Variants in CUX1 observed in about 807,000 individuals in gnomAD.
CUX1 encodes cut like homeobox 1.
Under a neutral mutation model 158.8 loss-of-function variants are expected in CUX1, and 31 were observed. The observed-to-expected ratio is 0.20, with a 90% CI of 0.15 to 0.26. CUX1 has a LOEUF of 0.26. CUX1 is among the 10% of genes least tolerant of loss of function. The pLI, the probability that CUX1 is intolerant of heterozygous loss-of-function variation, is 1.00. For synonymous variants in CUX1, 879 were observed against 862.1 expected, an observed-to-expected ratio of 1.02 and a Z score of -0.34; for missense variants, 1,589 against 2,014.6, an observed-to-expected ratio of 0.79 and a Z score of 4.04.
chr7:101,941,476 C>T (rs1807708868), intron 2 of CUX1, among the ~76,000 whole-genome samples: 1 of 152,214 alleles, frequency 6.6e-6, no homozygotes, highest in East Asian at 1.9e-4. Context: ...AAAGGGCTCA[C>T]ATCTTTGTTT....
intron 21 of CUX1, among the ~76,000 whole-genome samples, chr7:102,232,604 C>T (rs1301353513): frequency 6.6e-6 from 1 of 152,162 alleles, no homozygotes. Context: ...CAAGTACTCC[C>T]GTCAGGCCTT....
chr7:102,175,645 C>T (rs1268697273), intron 10 of CUX1, among the ~76,000 whole-genome samples: 3 of 152,082 alleles, frequency 2.0e-5, no homozygotes, highest in African/African-American at 7.2e-5. Flanking sequence ...CCTTTCCTTC[C>T]GACAAGGTCC....
Position 102,020,435 on chromosome 7 carries a change from A to T in CUX1, c.142-7663A>T, listed in dbSNP as rs566964478. ...ATATAATATATATTGTCTTGTTTTT[A>T]AAGACTCCATACCTGGTCTGAGCTC... On this transcript the variant is annotated intron_variant, in intron 2 of 23. Transcript: ENST00000292535. Among the ~76,000 whole-genome samples the T allele has an allele frequency of 6.0e-5, 9 of 149,344 alleles. No homozygotes were observed. In the South Asian group the frequency reaches 1.9e-3, roughly 32 times the overall value.
At chr7:101,964,140 T>A (rs1201210621) in intron 2 of CUX1, among the ~76,000 whole-genome samples, 1 of 151,934 alleles carries the variant, frequency 6.6e-6, no homozygotes, top group African/African-American at 2.4e-5. Context: ...TCACCTGAGG[T>A]TAGGAGTTCG....
intron 1 of CUX1, among the ~76,000 whole-genome samples, chr7:101,902,732 A>G (rs1018747860): frequency 6.6e-6 from 1 of 152,194 alleles, no homozygotes; most frequent in African/African-American, 2.4e-5. Flanking sequence ...GGGCAGTGCC[A>G]TCGAGCTGGG....
intron 4 of CUX1, among the ~76,000 whole-genome samples, chr7:102,083,467 C>T (rs192195818): frequency 6.8e-6 from 1 of 146,582 alleles, no homozygotes; most frequent in Non-Finnish European, 1.5e-5. Flanking sequence ...CCACCACACC[C>T]GATTAATTTT....
In CUX1 at chr7:102,256,393, T is replaced by C. The variant is rs1789900234; in HGVS notation, c.*7351T>C. ...GTACTTATCAGGAGTGTATTGTTAT[T>C]TTGTGTTTTGTTGTCATAAATGCTT... is the stretch of plus-strand genomic sequence containing the variant. On this transcript the variant is annotated 3_prime_UTR_variant, in exon 24 of 24. Coordinates refer to ENST00000292535, the MANE Select transcript of CUX1 (RefSeq NM_181552.4). 6.1e-6 allele frequency: 6 copies of C among 985,312 alleles called. No individual in the cohort carries two copies. The highest frequency in any genetic ancestry group is 7.2e-6 in the Non-Finnish European group (6 of 829,822). The allele number at this position is 985,312 out of a possible 1,614,324, so 61.0% of individuals were successfully genotyped here. A position where few individuals can be genotyped will look rare whatever the true frequency, so the allele number is the denominator to read the frequency against.
At position 102,248,680 on chromosome 7, in the gene CUX1, G is replaced by A. The variant is rs1554538018; in HGVS notation, c.4156G>A (p.Ala1386Thr). 2 of 1,294,216 alleles carry A rather than the reference G, an allele frequency of 1.5e-6. No homozygotes were observed. Among genetic ancestry groups the A allele is most frequent in the Non-Finnish European group, 2.0e-6 (2 of 1,019,790 alleles). 80.2% of individuals were successfully genotyped at this position (1,294,216 alleles called of 1,614,324 possible). ...PPSGTPGPDD[A>T]RDDDHEGGPV... ...CTCGGGGACCCCGGGCCCGGACGACGCCCGCGACGACGACCACGAGGGAGG... is the reference window on the plus strand; with the variant it reads ...CTCGGGGACCCCGGGCCCGGACGACACCCGCGACGACGACCACGAGGGAGG... The change falls in exon 24 of 24, where the codon GCC (alanine) becomes ACC (threonine). Residue 1386 changes from alanine (A) to threonine (T), a missense_variant. Physicochemically the swap from Ala to Thr is moderately conservative, Grantham distance 58. Coordinates refer to ENST00000292535, the MANE Select transcript of CUX1 (RefSeq NM_181552.4). The surrounding 1 kb of genome is among the most constrained non-coding windows in gnomAD (Gnocchi z 5.8).
chr7:102,281,398 C>A (rs1477577442), intron 20 of CUX1, among the ~76,000 whole-genome samples: 2 of 151,878 alleles, frequency 1.3e-5, no homozygotes, highest in Non-Finnish European at 2.9e-5. Flanking sequence ...CACAGCAGCT[C>A]ACGCCTGTAA....
intron 20 of CUX1, among the ~76,000 whole-genome samples, chr7:102,225,984 A>T (rs1310813655): frequency 6.6e-6 from 1 of 152,276 alleles, no homozygotes; most frequent in Non-Finnish European, 1.5e-5. Flanking sequence ...CCTTGCAGGC[A>T]GGACCTCAGC....
chr7:102,003,332 A>G (rs867746209), intron 2 of CUX1, among the ~76,000 whole-genome samples: 4 of 145,698 alleles, frequency 2.7e-5, no homozygotes, highest in African/African-American at 1.1e-4. Flanking sequence ...ACACACACAC[A>G]CACGCCCGCC....
chr7:102,274,634 A>G (rs1301192094), intron 16 of CUX1, among the ~76,000 whole-genome samples: 2 of 152,136 alleles, frequency 1.3e-5, no homozygotes, highest in African/African-American at 4.8e-5. Context: ...AAAAAGGTGA[A>G]TGAGCCCTCA....
At chr7:102,243,962 G>A (rs1158875743) in intron 23 of CUX1, among the ~76,000 whole-genome samples, 5 of 152,004 alleles carry the variant, frequency 3.3e-5, no homozygotes, top group African/African-American at 9.7e-5. Context: ...CGGAGGCGGA[G>A]GTTGCAGTGA....
chr7:102,044,426 G>A (rs1822497529), intron 3 of CUX1, among the ~76,000 whole-genome samples: 1 of 151,814 alleles, frequency 6.6e-6, no homozygotes, highest in Admixed American at 6.6e-5. Flanking sequence ...CTGACCTCAG[G>A]TGATCTGCCT....
At chr7:102,175,027 G>A (rs577392932) in intron 10 of CUX1, among the ~76,000 whole-genome samples, 1 of 152,358 alleles carries the variant, frequency 6.6e-6, no homozygotes, top group African/African-American at 2.4e-5. Context: ...CTGCTTTGGG[G>A]TTCATTTTCA....
At chr7:102,020,603 G>A (rs2129318221) in intron 2 of CUX1, among the ~76,000 whole-genome samples, 1 of 152,328 alleles carries the variant, frequency 6.6e-6, no homozygotes. Context: ...ATTGGGGTCA[G>A]GCGTGGTGGC....
rs542852974 is a variant in CUX1 at position 102,256,452 on chromosome 7, C to T, written c.*7410C>T. 165 of 985,354 alleles carry T rather than the reference C, an allele frequency of 1.7e-4. No individual in the cohort carries two copies. The African/African-American group carries it at 2.6e-3, about 16-fold the overall frequency. 61.0% of individuals were successfully genotyped at this position (985,354 alleles called of 1,614,324 possible). The stretch of plus-strand genomic sequence containing the variant: ...CACTCTAGTGGTTACTATCCTCTGC[C>T]TTCCTCTCCTCCCCTACTCCCCCAG... On this transcript the variant is annotated 3_prime_UTR_variant, in exon 24 of 24. Coordinates refer to ENST00000292535, the MANE Select transcript of CUX1 (RefSeq NM_181552.4).
intron 5 of CUX1, among the ~76,000 whole-genome samples, chr7:102,100,149 A>G (rs1829629017): frequency 6.6e-6 from 1 of 152,112 alleles, no homozygotes. Context: ...ATGGTTGGGC[A>G]CGCCTGTAAT....
intron 1 of CUX1, among the ~76,000 whole-genome samples, chr7:101,882,815 C>G (rs1167798919): frequency 6.6e-6 from 1 of 152,190 alleles, no homozygotes; most frequent in South Asian, 2.1e-4. Flanking sequence ...CCGGCGCCCT[C>G]TGGGGTCACT....
Sources: gnomAD v4.1 joint callset for allele counts (sites outside exome capture counted in the v4.1 genomes callset) on GRCh38, gnomAD v4.1.1 for gene constraint, Gnocchi (gnomAD v3.1) non-coding constraint, MANE v1.5 for transcripts, NCBI Gene and HGNC (gene_info 2026-07-23, HGNC 2026-07-21) for gene names.